SLC25A30: variants seen among roughly 807,000 people sequenced by gnomAD.
SLC25A30 encodes the protein solute carrier family 25 member 30.
A neutral mutation model predicts 42.7 loss-of-function variants in SLC25A30; 29 were observed. That is an observed-to-expected ratio of 0.68 (90% CI 0.51 to 0.93). The LOEUF (loss-of-function observed/expected upper bound fraction) is 0.93, where lower values mean the gene tolerates loss of function less well. Among genes scored for constraint, SLC25A30 ranks in the 40% least tolerant of loss-of-function variants. The probability of loss-of-function intolerance (pLI) is 0.00; values close to 1 mark genes in which losing one functional copy is unlikely to be tolerated. For missense variants in SLC25A30, 300 were observed against 359.7 expected (o/e 0.83, Z 1.34); for synonymous variants, 124 against 131.0 (o/e 0.95, Z 0.37).
the SLC25A30 span, among the ~76,000 whole-genome samples, chr13:45,425,595 T>A: frequency 1.6e-4 from 8 of 49,612 alleles, no homozygotes; most frequent in African/African-American, 6.4e-4. Flanking sequence ...AATATATATA[T>A]ACATATATAT....
At position 45,395,828 on chromosome 13, in the gene SLC25A30, A is replaced by T; in HGVS notation, c.*146T>A. ...AGAGCATCCAATGCCAACACACAGC[A>T]ATCTCAACTAACCCAGTCTTCATCT... On this transcript the variant is annotated 3_prime_UTR_variant, in exon 10 of 10. Transcript: ENST00000519676. The T allele has an allele frequency of 6.5e-7, 1 of 1,549,440 alleles. No homozygotes were observed. The highest frequency in any genetic ancestry group is 1.9e-5 in the Admixed American group (1 of 53,726).
the SLC25A30 span, among the ~76,000 whole-genome samples, chr13:45,424,763 T>C: frequency 1.8e-5 from 1 of 56,070 alleles, no homozygotes; most frequent in African/African-American, 7.4e-5. Context: ...TATATAAATA[T>C]ATAAATATAT....
intron 7 of SLC25A30, among the ~76,000 whole-genome samples, chr13:45,400,435 T>G (rs1020836298): frequency 6.6e-6 from 1 of 151,958 alleles, no homozygotes; most frequent in African/African-American, 2.4e-5. Context: ...AATAAATAAA[T>G]AAAGTCCGTA....
At chr13:45,412,539 C>T (rs1401890806) in intron 1 of SLC25A30, among the ~76,000 whole-genome samples, 1 of 152,160 alleles carries the variant, frequency 6.6e-6, no homozygotes, top group Non-Finnish European at 1.5e-5. Flanking sequence ...TAGAGAAGTT[C>T]CTGCTAACCT....
the SLC25A30 span, among the ~76,000 whole-genome samples, chr13:45,425,096 T>TG: frequency 1.9e-4 from 2 of 10,382 alleles, no homozygotes; most frequent in African/African-American, 4.9e-4. Context: ...ATAAATATAT[T>TG]TATAAATATA....
At chr13:45,401,690 G>C (rs1393344211) in intron 6 of SLC25A30, among the ~76,000 whole-genome samples, 4 of 149,026 alleles carry the variant, frequency 2.7e-5, no homozygotes, top group African/African-American at 9.9e-5. Context: ...AAGAGCAAAA[G>C]ACCAAACAAC....
the SLC25A30 span, among the ~76,000 whole-genome samples, chr13:45,425,066 A>ATATATATAAG: frequency 1.3e-5 from 1 of 79,888 alleles, no homozygotes; most frequent in Non-Finnish European, 2.2e-5. Context: ...ATATAAGTAT[A>ATATATATAAG]TATACATATA....
chr13:45,421,941 G>C, upstream of SLC25A30, among the ~76,000 whole-genome samples: 1 of 152,148 alleles, frequency 6.6e-6, no homozygotes, highest in Non-Finnish European at 1.5e-5. Context: ...CACTTCTCAA[G>C]TAGCTGGGCT....
chr13:45,408,909 GC>G lies in SLC25A30; in HGVS notation c.212+17del, dbSNP rs1882756601. 2 of 1,589,928 alleles carry G rather than the reference GC, an allele frequency of 1.3e-6. No individual in the cohort carries two copies. Among genetic ancestry groups the G allele is most frequent in the Non-Finnish European group, 1.7e-6 (2 of 1,167,462 alleles). ...AAACAGTGAACAGTGACACAGAAATGCATGAAGGCCTACTCACCCCGAGTAG... is the reference window on the plus strand; with the variant it reads ...AAACAGTGAACAGTGACACAGAAATGATGAAGGCCTACTCACCCCGAGTAG... On this transcript the variant is annotated intron_variant, in intron 3 of 9. Coordinates refer to ENST00000519676, the MANE Select transcript of SLC25A30 (RefSeq NM_001010875.4).
chr13:45,398,561 C>T (rs1881605748), intron 8 of SLC25A30: 2 of 153,586 alleles, frequency 1.3e-5, no homozygotes, highest in Non-Finnish European at 2.9e-5. Context: ...CTTTCACCCA[C>T]TCATAAAACA....
intron 6 of SLC25A30, among the ~76,000 whole-genome samples, chr13:45,402,059 C>CAAAAAA (rs66565783): frequency 3.6e-5 from 3 of 83,852 alleles, no homozygotes; most frequent in Non-Finnish European, 4.8e-5. Flanking sequence ...GACTCCATCT[C>CAAAAAA]AAAAAAAAAA....
At position 45,411,375 on chromosome 13, in the gene SLC25A30, G is replaced by A. The variant is rs774471556; in HGVS notation, c.51C>T (p.Ile17=). Residue 17 remains isoleucine, a synonymous_variant, in exon 2 of 10, where the codon ATC becomes ATT. Transcript: ENST00000519676. The part of the protein sequence containing the change: ...KPFVYGGLAS[I]TAECGTFPID... ...TCAGGTCCTTACCGCACTCAGCAGTGATGGAGGCCAGCCCCCCGTACACAA... is the reference window on the plus strand; with the variant it reads ...TCAGGTCCTTACCGCACTCAGCAGTAATGGAGGCCAGCCCCCCGTACACAA... 2 of 1,613,920 alleles carry A rather than the reference G, an allele frequency of 1.2e-6. No individual in the cohort carries two copies. Among genetic ancestry groups the A allele is most frequent in the Non-Finnish European group, 1.7e-6 (2 of 1,179,790 alleles).
the SLC25A30 span, among the ~76,000 whole-genome samples, chr13:45,427,404 A>G: frequency 2.0e-5 from 3 of 146,362 alleles, no homozygotes; most frequent in African/African-American, 8.3e-5. Context: ...CTTGGTCCAT[A>G]CACCTGGATA....
the SLC25A30 span, among the ~76,000 whole-genome samples, chr13:45,432,721 A>AG: frequency 6.6e-6 from 1 of 151,912 alleles, no homozygotes; most frequent in East Asian, 1.9e-4. Context: ...AAAAAAAAAA[A>AG]CAATCAATTC....
At chr13:45,398,068 A>T (rs1881543752) in intron 8 of SLC25A30, 1 of 985,234 alleles carries the variant, frequency 1.0e-6, no homozygotes, top group South Asian at 4.7e-5. Flanking sequence ...GCAACACCTG[A>T]AGAATAAAAT....
chr13:45,423,948 A>ATATATGAATATATAAAC, the SLC25A30 span, among the ~76,000 whole-genome samples: 2 of 48,668 alleles, frequency 4.1e-5, no homozygotes, highest in African/African-American at 1.3e-4. Flanking sequence ...TATATAAAAA[A>ATATATGAATATATAAAC]ATATATGAAT....
At chr13:45,422,753 T>A (rs1883920410), upstream of SLC25A30, among the ~76,000 whole-genome samples, 1 of 152,176 alleles carries the variant, frequency 6.6e-6, no homozygotes, top group Non-Finnish European at 1.5e-5. Context: ...ATGCATCTTT[T>A]GTGTAAGTCA....
upstream of SLC25A30, among the ~76,000 whole-genome samples, chr13:45,423,133 C>A (rs1276941667): frequency 1.3e-5 from 2 of 151,964 alleles, no homozygotes; most frequent in East Asian, 3.9e-4. Context: ...CTGTGGGTCC[C>A]CAATAAATAT....
rs1252348000 is a variant in SLC25A30, at chr13:45,405,775, A to G, written c.307+108T>C. The G allele has an allele frequency of 3.7e-5, 34 of 917,558 alleles. 1 individual carries two copies. In the East Asian group the frequency reaches 7.9e-4, roughly 21 times the overall value. The allele number at this position is 917,558 out of a possible 1,614,324, so 56.8% of individuals were successfully genotyped here. Reference sequence around the variant, plus strand: ...ACTTTACACCCAGAGTTCTTGTAGCAGTAGGAAAGTCACAAATAAGCTGAA... The same window carrying G: ...ACTTTACACCCAGAGTTCTTGTAGCGGTAGGAAAGTCACAAATAAGCTGAA... On this transcript the variant is annotated intron_variant, in intron 4 of 9. Transcript: ENST00000519676.
Sources: gnomAD v4.1 joint callset for allele counts (sites outside exome capture counted in the v4.1 genomes callset) on GRCh38, gnomAD v4.1.1 for gene constraint, MANE v1.5 for transcripts, NCBI Gene and HGNC (gene_info 2026-07-23, HGNC 2026-07-21) for gene names.